The following MACF1 variants were observed in gnomAD, a reference collection of about 807,000 sequenced individuals.
MACF1 encodes the protein microtubule-actin cross-linking factor 1.
Under a neutral mutation model 854.8 loss-of-function variants are expected in MACF1, and 193 were observed. The ratio of observed to expected loss-of-function variants is 0.23; its 90% CI spans 0.20 to 0.25. The LOEUF is 0.25. Ranked by LOEUF, MACF1 falls within the 10% of genes least tolerant of loss-of-function variation. MACF1 has a pLI of 1.00. For synonymous variants in MACF1, 3,185 were observed against 3,226.7 expected (o/e 0.99, Z 0.44); for missense variants, 7,722 against 8,929.1 (o/e 0.86, Z 5.45).
At chr1:39,262,859 C>CTTGGTATTTG (rs1645180852) in intron 6 of MACF1, among the ~76,000 whole-genome samples, 2 of 152,196 alleles carry the variant, frequency 1.3e-5, no homozygotes, top group Admixed American at 1.3e-4. Context: ...CTTTTCTTTG[C>CTTGGTATTTG]CGTTCTGAGG....
Position 39,084,521 on chromosome 1 carries a change from A to G in MACF1, c.220+83A>G. On this transcript the variant is annotated intron_variant, in intron 2 of 93. Coordinates refer to the MACF1 transcript ENST00000361689. The surrounding 1 kb of genome is among the most constrained non-coding windows in gnomAD (Gnocchi z 5.2). ...GGCACAGCAGCTGTGTGGGGAGCCGAGGGGTCCTCACCAGGGCCTCTGACA... is the reference window on the plus strand; with the variant it reads ...GGCACAGCAGCTGTGTGGGGAGCCGGGGGGTCCTCACCAGGGCCTCTGACA... 8.6e-7 allele frequency: 1 copy of G among 1,162,674 alleles called. No individual in the cohort carries two copies. The highest frequency in any genetic ancestry group is 1.2e-6 in the Non-Finnish European group (1 of 810,218). 72.0% of individuals were successfully genotyped at this position (1,162,674 alleles called of 1,614,324 possible).
At chr1:39,269,065 T>C (rs1472360946) in intron 6 of MACF1, 2 of 1,289,672 alleles carry the variant, frequency 1.6e-6, no homozygotes, top group South Asian at 1.2e-5. Context: ...CACCTTTTGT[T>C]AGAGAATGAG....
chr1:39,341,136 C>T (rs888440404), intron 40 of MACF1, among the ~76,000 whole-genome samples, 183 bp downstream of exon 40: 2 of 151,212 alleles, frequency 1.3e-5, no homozygotes, highest in Admixed American at 1.3e-4. Flanking sequence ...TGGGTTCAAG[C>T]GATTCTCCTG....
chr1:39,359,004 C>A, intron 46 of MACF1, 131 bp downstream of exon 46: 1 of 1,404,524 alleles, frequency 7.1e-7, no homozygotes, highest in Non-Finnish European at 9.7e-7. Flanking sequence ...GATCTGAGTG[C>A]TAAACACTTG....
intron 80 of MACF1, among the ~76,000 whole-genome samples, chr1:39,446,987 C>G (rs1401477850): frequency 6.6e-6 from 1 of 152,120 alleles, no homozygotes; most frequent in Non-Finnish European, 1.5e-5. Context: ...ACAAAGAGTA[C>G]TACATTGAAC....
At chr1:39,353,329 T>C in intron 44 of MACF1, 98 bp downstream of exon 44, 1 of 809,826 alleles carries the variant, frequency 1.2e-6, no homozygotes, top group Non-Finnish European at 1.9e-6. Flanking sequence ...TGAGCACTTC[T>C]CAGTTTGTAT....
chr1:39,452,638 C>T (rs890109764), intron 86 of MACF1, 46 bp from the exon 87 acceptor site: 1 of 1,610,560 alleles, frequency 6.2e-7, no homozygotes, highest in Admixed American at 1.7e-5. Context: ...TATCTAGGTC[C>T]TTGGCTGCAG....
At chr1:39,250,361 T>G (rs950599259) in intron 3 of MACF1, among the ~76,000 whole-genome samples, 2 of 152,218 alleles carry the variant, frequency 1.3e-5, no homozygotes, top group Non-Finnish European at 2.9e-5. Flanking sequence ...TATCTGCATG[T>G]TTTTGCATTA....
At chr1:39,220,481 A>AT (rs370805398) in intron 1 of MACF1, among the ~76,000 whole-genome samples, 35,941 of 126,318 alleles carry the variant, frequency 0.28, 5,562 homozygotes, top group African/African-American at 0.37. Flanking sequence ...CCTTTAATGA[A>AT]TTTTTTTTTT....
At chr1:39,389,386 G>T (rs1483133614) in intron 58 of MACF1, among the ~76,000 whole-genome samples, 6 of 118,584 alleles carry the variant, frequency 5.1e-5, no homozygotes, top group African/African-American at 1.7e-4. Flanking sequence ...TGGAGACAGA[G>T]TCTTGCTCTG....
In MACF1 at chr1:39,251,931, A is replaced by T; in HGVS notation, c.347A>T (p.Asp116Val). The T allele has an allele frequency of 6.6e-7, 1 of 1,512,592 alleles. No individual in the cohort carries two copies. The highest frequency in any genetic ancestry group is 1.4e-5 in the African/African-American group (1 of 72,084). The allele number at this position is 1,512,592 out of a possible 1,614,324, so 93.7% of individuals were successfully genotyped here. ...TNNEEQAEED[D>V]DDVPREKGRM... is the part of the protein sequence containing the mutation. ...AACGAGGAGCAGGCGGAGGAAGATG[A>T]TGATGATGTAGTAGGTCCTCCTGGG... is the stretch of plus-strand genomic sequence containing the variant. The change falls in exon 4 of 101, where the codon GAT (aspartate) becomes GTT (valine). Residue 116 changes from aspartate to valine, a missense_variant. Physicochemically the swap from Asp to Val is radical, Grantham distance 152. Around this residue, in one of 15 missense-constraint regions of MACF1, gnomAD observed 82 missense variants for 84.0 expected, o/e 0.98. Coordinates refer to ENST00000564288, the MANE Select transcript of MACF1 (RefSeq NM_001394062.1).
intron 2 of MACF1, among the ~76,000 whole-genome samples, chr1:39,103,962 T>C (rs1389776966): frequency 1.3e-5 from 2 of 152,236 alleles, no homozygotes; most frequent in African/African-American, 4.8e-5. Flanking sequence ...TACTTGGCAC[T>C]ACTCACAAGG....
In MACF1 at chr1:39,359,240, C is replaced by A; in HGVS notation, c.12220C>A (p.His4074Asn). Reference sequence around the variant, plus strand: ...AATTGAAGGGGAGCCAGCCCCAGACCACAGGCATGTTCAAGAAACTACAGG... The same window carrying A: ...AATTGAAGGGGAGCCAGCCCCAGACAACAGGCATGTTCAAGAAACTACAGG... ...MEIEGEPAPD[H>N]RHVQETTDSI... The change falls in exon 47 of 101, where the codon CAC becomes AAC. Residue 4074 changes from histidine to asparagine, a missense_variant. His to Asn is a moderately conservative substitution (Grantham distance 68). Coordinates refer to ENST00000564288, the MANE Select transcript of MACF1 (RefSeq NM_001394062.1). 1 of 1,614,106 alleles carries A rather than the reference C, an allele frequency of 6.2e-7. No homozygotes were observed. The highest frequency in any genetic ancestry group is 8.5e-7 in the Non-Finnish European group (1 of 1,180,028).
chr1:39,293,570 A>C lies in MACF1; in HGVS notation c.2105A>C (p.Asp702Ala). The change falls in exon 18 of 101, where the codon GAC becomes GCC. Residue 702 changes from aspartate (D) to alanine (A), a missense_variant. By Grantham distance (126) the Asp-to-Ala change is moderately radical. This residue lies in a region of MACF1 where 1,137 missense variants were observed against 1,263.0 expected (regional missense o/e 0.90). Coordinates refer to ENST00000564288, the MANE Select transcript of MACF1 (RefSeq NM_001394062.1). ...AAGGAGGAGGAGGAACTAGCATATG[A>C]CTGGAGTGACAACAATTCCAATATC... The part of the protein sequence containing the change: ...NEKEEEELAY[D>A]WSDNNSNISA... 1 of 1,613,932 alleles carries C rather than the reference A, an allele frequency of 6.2e-7. No individual in the cohort carries two copies. Among genetic ancestry groups the C allele is most frequent in the Non-Finnish European group, 8.5e-7 (1 of 1,179,868 alleles).
intron 98 of MACF1, among the ~76,000 whole-genome samples, chr1:39,480,489 CATG>C (rs1644993559): frequency 6.6e-6 from 1 of 152,158 alleles, no homozygotes; most frequent in Admixed American, 6.5e-5. Flanking sequence ...TTTAGCCTAG[CATG>C]GTGGTGAGCA....
rs762473962 is a variant in MACF1 at position 39,451,184 on chromosome 1, C to T, written c.20391C>T (p.Leu6797=). ...AGCCCGTGCACGGGGACCTTGACCT[C>T]GTCATGAACCTCATGGATGCACACA... The part of the protein sequence containing the change: ...EDQPVHGDLD[L]VMNLMDAHKV... The change falls in exon 85 of 101, where the codon CTC becomes CTT. Residue 6797 remains leucine (L), a synonymous_variant. Transcript: ENST00000564288. 1.1e-5 allele frequency: 17 copies of T among 1,613,900 alleles called. No individual in the cohort carries two copies. Among genetic ancestry groups the T allele is most frequent in the African/African-American group, 1.3e-5 (1 of 74,900 alleles).
intron 2 of MACF1, among the ~76,000 whole-genome samples, chr1:39,126,380 T>A (rs745795221): frequency 6.6e-6 from 1 of 152,242 alleles, no homozygotes; most frequent in Non-Finnish European, 1.5e-5. Context: ...TAGAGCCTTT[T>A]CGAATGACCT....
In MACF1 at chr1:39,332,454, A is replaced by G; in HGVS notation, c.5866A>G (p.Thr1956Ala). 1 of 1,614,068 alleles carries G rather than the reference A, an allele frequency of 6.2e-7. No individual in the cohort carries two copies. The highest frequency in any genetic ancestry group is 8.5e-7 in the Non-Finnish European group (1 of 1,180,026). The change falls in exon 37 of 101, where the codon ACA becomes GCA. Residue 1956 changes from threonine to alanine, a missense_variant. Thr to Ala is a moderately conservative substitution (Grantham distance 58). Coordinates refer to ENST00000564288, the MANE Select transcript of MACF1 (RefSeq NM_001394062.1). ...GTGCAGCAAGAGCCACCCTAAGGCC[A>G]CAGCAAGCCAGAGTGAGAATCTGTT... ...LPCSKSHPKA[T>A]ASQSENLLFQ...
intron 2 of MACF1, among the ~76,000 whole-genome samples, chr1:39,242,795 A>G (rs150547199): frequency 0.02 from 3,024 of 151,066 alleles, 106 homozygotes; most frequent in African/African-American, 0.071. Context: ...CTGTAATCCC[A>G]ACACTTTGGG....
Sources: allele counts gnomAD v4.1 joint callset (sites outside exome capture counted in the v4.1 genomes callset), GRCh38; gene constraint gnomAD v4.1.1; regional missense constraint gnomAD v4.1.1; non-coding constraint Gnocchi (gnomAD v3.1); transcripts MANE v1.5; gene names NCBI Gene and HGNC (gene_info 2026-07-23, HGNC 2026-07-21).